VEPH1: variants seen among roughly 807,000 people sequenced by gnomAD.
The protein encoded by VEPH1 is ventricular zone-expressed PH domain-containing protein homolog 1.
In VEPH1, 80 loss-of-function variants were observed where a neutral mutation model predicts 85.2. The ratio of observed to expected loss-of-function variants is 0.94; its 90% CI spans 0.78 to 1.13. The LOEUF (loss-of-function observed/expected upper bound fraction) is 1.13. VEPH1 is among the 50% of genes most tolerant of loss of function. The pLI is 0.00. For synonymous variants in VEPH1, 297 were observed against 348.0 expected (o/e 0.85, Z 1.63); for missense variants, 955 against 980.5 (o/e 0.97, Z 0.35).
In VEPH1 at chr3:157,273,719, G is replaced by A. The variant is rs138460516; in HGVS notation, c.2129-8057C>T. Among the ~76,000 whole-genome samples, 18 of 152,204 alleles carry A rather than the reference G, an allele frequency of 1.2e-4. No homozygotes were observed. The East Asian group carries it at 2.3e-3, about 20-fold the overall frequency. On this transcript the variant is annotated intron_variant, in intron 12 of 13. Coordinates refer to ENST00000362010, the MANE Select transcript of VEPH1 (RefSeq NM_001167912.2). ...CCTTGGGCACCATGCAGAGTGGAAT[G>A]TAATGCTTTGTAGTGTAACATAATG...
intron 11 of VEPH1, among the ~76,000 whole-genome samples, chr3:157,292,213 T>G (rs1392795403): frequency 6.6e-6 from 1 of 152,160 alleles, no homozygotes; most frequent in East Asian, 1.9e-4. Context: ...TTAGAAGTCC[T>G]GAGCCACTGC....
chr3:157,372,971 T>C (rs562627433), intron 7 of VEPH1, among the ~76,000 whole-genome samples: 3 of 152,338 alleles, frequency 2.0e-5, no homozygotes, highest in African/African-American at 7.2e-5. Flanking sequence ...CCAACACCTA[T>C]TATAATGCAC....
chr3:157,284,035 T>C (rs1257777862), intron 12 of VEPH1, among the ~76,000 whole-genome samples: 1 of 152,212 alleles, frequency 6.6e-6, no homozygotes. Context: ...ATCAAGCCTT[T>C]ACAAGCGGTG....
chr3:157,357,518 A>C lies in VEPH1; in HGVS notation c.1735+5846T>G, dbSNP rs187003518. Among the ~76,000 whole-genome samples, 3 of 150,538 alleles carry C rather than the reference A, an allele frequency of 2.0e-5. No individual in the cohort carries two copies. In the East Asian group the frequency reaches 5.8e-4, roughly 29 times the overall value. On this transcript the variant is annotated intron_variant, in intron 9 of 13. Coordinates refer to ENST00000362010, the MANE Select transcript of VEPH1 (RefSeq NM_001167912.2). ...AACTTTTTTTTTTTTTTTGAGATAG[A>C]GTCTTGCTCTGTTGCCCAGGCTGGA...
At chr3:157,471,375 CT>C (rs1207173087) in intron 2 of VEPH1, among the ~76,000 whole-genome samples, 1 of 152,148 alleles carries the variant, frequency 6.6e-6, no homozygotes, top group Non-Finnish European at 1.5e-5. Context: ...TATTTATATA[CT>C]AGAGCCTCCA....
intron 5 of VEPH1, among the ~76,000 whole-genome samples, chr3:157,426,633 A>C (rs1732776464): frequency 6.6e-6 from 1 of 152,254 alleles, no homozygotes; most frequent in Admixed American, 6.5e-5. Flanking sequence ...CTGATTTGCT[A>C]TCTGAAAAAT....
chr3:157,477,178 G>A (rs756010652), intron 2 of VEPH1, among the ~76,000 whole-genome samples: 5 of 149,876 alleles, frequency 3.3e-5, no homozygotes, highest in Non-Finnish European at 7.4e-5. Flanking sequence ...GCCCTCTGGA[G>A]GCTCTGAGGG....
intron 8 of VEPH1, 52 bp downstream of exon 8, chr3:157,364,251 T>A (rs1237528806): frequency 2.1e-5 from 30 of 1,408,480 alleles, no homozygotes; most frequent in Non-Finnish European, 2.9e-5. Context: ...ATAACAAAGC[T>A]AATAGCGAAC....
intron 4 of VEPH1, among the ~76,000 whole-genome samples, chr3:157,448,808 G>T (rs1232382213): frequency 6.6e-6 from 1 of 152,122 alleles, no homozygotes; most frequent in African/African-American, 2.4e-5. Context: ...ATATGGTTTG[G>T]CTCTGTGTCC....
intron 4 of VEPH1, chr3:157,437,914 G>A: frequency 1.3e-6 from 2 of 1,527,794 alleles, no homozygotes; most frequent in Admixed American, 2.0e-5. Context: ...GCTGCCGGCA[G>A]GTAAGGAGGC....
chr3:157,268,131 A>G (rs1713990690), intron 12 of VEPH1, among the ~76,000 whole-genome samples: 1 of 152,204 alleles, frequency 6.6e-6, no homozygotes. Context: ...TAAAGCTAGT[A>G]ATGATCTTTG....
chr3:157,389,009 C>T (rs1340901468), intron 6 of VEPH1, among the ~76,000 whole-genome samples: 1 of 152,162 alleles, frequency 6.6e-6, no homozygotes, highest in Non-Finnish European at 1.5e-5. Context: ...CATAAAATTA[C>T]AACCCTGAAT....
At chr3:157,302,388 C>T (rs983922523) in intron 11 of VEPH1, among the ~76,000 whole-genome samples, 2 of 152,156 alleles carry the variant, frequency 1.3e-5, no homozygotes, top group Admixed American at 6.5e-5. Context: ...ATTCATACAC[C>T]GAAATCCTAT....
chr3:157,483,203 T>A (rs1738298580), intron 2 of VEPH1, among the ~76,000 whole-genome samples: 1 of 151,728 alleles, frequency 6.6e-6, no homozygotes, highest in Non-Finnish European at 1.5e-5. Flanking sequence ...ACTTCAAGAA[T>A]CTCCAAAGCC....
intron 12 of VEPH1, among the ~76,000 whole-genome samples, chr3:157,278,012 T>C (rs1715616195): frequency 6.6e-6 from 1 of 152,208 alleles, no homozygotes; most frequent in African/African-American, 2.4e-5. Context: ...CATTCGTTTA[T>C]TGGTACATAT....
At chr3:157,459,682 G>A (rs1173017322) in intron 4 of VEPH1, 12 of 1,387,604 alleles carry the variant, frequency 8.6e-6, no homozygotes, top group South Asian at 3.5e-5. Flanking sequence ...TAACAGAGGT[G>A]TACTATTTGG....
Position 157,453,817 on chromosome 3 carries a change from C to T in VEPH1, c.529+6364G>A, listed in dbSNP as rs566494824. 5.8e-4 allele frequency among the ~76,000 whole-genome samples: 89 copies of T among 152,296 alleles called. 1 individual carries two copies. Among genetic ancestry groups the T allele is most frequent in the African/African-American group, 2.0e-3 (85 of 41,570 alleles). On this transcript the variant is annotated intron_variant, in intron 4 of 13. Coordinates refer to ENST00000362010, the MANE Select transcript of VEPH1 (RefSeq NM_001167912.2). The stretch of plus-strand genomic sequence containing the variant: ...GAGTGATAATGGAGTTTTACAGTCA[C>T]ATCAGTCTTAAAACTCCAAACCCTG...
chr3:157,445,073 T>C (rs1295767332), intron 4 of VEPH1, among the ~76,000 whole-genome samples: 1 of 152,154 alleles, frequency 6.6e-6, no homozygotes, highest in African/African-American at 2.4e-5. Context: ...ATATTATATG[T>C]GATTCTTTTC....
chr3:157,311,108 T>C (rs1720063064), intron 11 of VEPH1, among the ~76,000 whole-genome samples: 1 of 152,238 alleles, frequency 6.6e-6, no homozygotes, highest in South Asian at 2.1e-4. Context: ...CTTGTAGCTC[T>C]GGCAACACAA....
Sources: gnomAD v4.1 joint callset for allele counts (sites outside exome capture counted in the v4.1 genomes callset) on GRCh38, gnomAD v4.1.1 for gene constraint, MANE v1.5 for transcripts, NCBI Gene and HGNC (gene_info 2026-07-23, HGNC 2026-07-21) for gene names.